Variants in GALNT13 observed in about 807,000 individuals in gnomAD.
The protein encoded by GALNT13 is UDP-GalNAc:polypeptide N-acetylgalactosaminyltransferase 13.
A neutral mutation model predicts 64.2 loss-of-function variants in GALNT13; 28 were observed. That is an observed-to-expected ratio of 0.44 (90% CI 0.32 to 0.60). The LOEUF is 0.60. Among genes scored for constraint, GALNT13 ranks in the 20% least tolerant of loss-of-function variants. The probability of loss-of-function intolerance (pLI) is 0.05; values close to 1 mark genes in which losing one functional copy is unlikely to be tolerated. For missense variants in GALNT13, 577 were observed against 669.8 expected, an observed-to-expected ratio of 0.86 and a Z score of 1.53; for synonymous variants, 214 against 224.6, an observed-to-expected ratio of 0.95 and a Z score of 0.42.
the GALNT13 span, among the ~76,000 whole-genome samples, chr2:153,216,391 C>T: frequency 2.0e-5 from 3 of 151,968 alleles, no homozygotes; most frequent in South Asian, 6.2e-4. Flanking sequence ...AAACAGTCTC[C>T]CAAAGTGGCT....
At chr2:153,551,648 A>C in the GALNT13 span, among the ~76,000 whole-genome samples, 1 of 152,268 alleles carries the variant, frequency 6.6e-6, no homozygotes. Context: ...AATAACTTTA[A>C]ATTTTGTGGG....
chr2:153,244,927 T>C, the GALNT13 span, among the ~76,000 whole-genome samples: 1 of 152,168 alleles, frequency 6.6e-6, no homozygotes, highest in African/African-American at 2.4e-5. Flanking sequence ...CCTGGGATGA[T>C]TGAGCTTGGT....
At chr2:154,200,065 G>A (rs1408744316) in intron 4 of GALNT13, among the ~76,000 whole-genome samples, 3 of 151,856 alleles carry the variant, frequency 2.0e-5, no homozygotes, top group Non-Finnish European at 2.9e-5. Context: ...TTTTTGTGAG[G>A]GATGGGGGGA....
At chr2:154,327,248 A>G (rs1229843973) in intron 9 of GALNT13, among the ~76,000 whole-genome samples, 1 of 151,980 alleles carries the variant, frequency 6.6e-6, no homozygotes, top group East Asian at 1.9e-4. Context: ...GCCTTCCACC[A>G]TGGTTGAAAG....
At chr2:153,963,877 G>A (rs375181177) in intron 3 of GALNT13, among the ~76,000 whole-genome samples, 1 of 151,634 alleles carries the variant, frequency 6.6e-6, no homozygotes, top group Middle Eastern at 3.4e-3. Context: ...TTCTAAATGA[G>A]GTCTATGAAA....
intron 4 of GALNT13, among the ~76,000 whole-genome samples, chr2:154,228,102 T>C (rs556713160): frequency 1.3e-5 from 2 of 152,256 alleles, no homozygotes; most frequent in African/African-American, 4.8e-5. Context: ...TAGATGATTC[T>C]TATGATTCAG....
chr2:153,714,580 GTTAAGC>G, the GALNT13 span, among the ~76,000 whole-genome samples: 5 of 152,106 alleles, frequency 3.3e-5, no homozygotes, highest in African/African-American at 1.2e-4. Context: ...CACTGGAACT[GTTAAGC>G]TTAAACAATT....
intron 11 of GALNT13, 29 bp downstream of exon 11, chr2:154,409,111 G>A (rs1405936): frequency 0.63 from 833,440 of 1,325,086 alleles, 263,927 homozygotes; most frequent in East Asian, 0.71. Context: ...TCAGCTTCAT[G>A]TTTTAGAGGG....
the GALNT13 span, among the ~76,000 whole-genome samples, chr2:153,654,703 A>G: frequency 2.0e-5 from 3 of 152,140 alleles, no homozygotes; most frequent in Non-Finnish European, 4.4e-5. Flanking sequence ...TAGTATTCAC[A>G]TGGTATTCAT....
chr2:154,387,656 A>G (rs1480007106), intron 9 of GALNT13, among the ~76,000 whole-genome samples: 1 of 152,142 alleles, frequency 6.6e-6, no homozygotes, highest in African/African-American at 2.4e-5. Context: ...GAATCTACAC[A>G]TAAGTGAGGT....
the GALNT13 span, among the ~76,000 whole-genome samples, chr2:153,624,669 C>T: frequency 7.2e-5 from 11 of 151,936 alleles, no homozygotes; most frequent in Non-Finnish European, 8.8e-5. Context: ...CTGAGCTATG[C>T]GGGTTATTAC....
intron 3 of GALNT13, among the ~76,000 whole-genome samples, chr2:154,087,053 G>A (rs1574476382): frequency 6.6e-6 from 1 of 152,186 alleles, no homozygotes; most frequent in Non-Finnish European, 1.5e-5. Context: ...GCTATCTTCT[G>A]AAAGGAGGTG....
At chr2:154,256,593 T>A (rs981193094) in intron 7 of GALNT13, among the ~76,000 whole-genome samples, 1 of 152,130 alleles carries the variant, frequency 6.6e-6, no homozygotes, top group Non-Finnish European at 1.5e-5. Flanking sequence ...GGAGCCCAAA[T>A]TAAATGAAGG....
chr2:153,701,030 T>G, the GALNT13 span, among the ~76,000 whole-genome samples: 1 of 152,106 alleles, frequency 6.6e-6, no homozygotes, highest in Non-Finnish European at 1.5e-5. Flanking sequence ...AAAGCCCATA[T>G]AGGGAAGACA....
intron 1 of GALNT13, among the ~76,000 whole-genome samples, chr2:153,876,077 C>T (rs986121266): frequency 6.6e-6 from 1 of 151,852 alleles, no homozygotes; most frequent in Non-Finnish European, 1.5e-5. Context: ...GGTTCTAAAT[C>T]CTTCCCTCTG....
intron 4 of GALNT13, among the ~76,000 whole-genome samples, chr2:154,185,075 T>C (rs1686177989): frequency 6.6e-6 from 1 of 152,144 alleles, no homozygotes; most frequent in Non-Finnish European, 1.5e-5. Context: ...ATTTTGTTTG[T>C]TGAAGAAAAT....
chr2:154,275,113 C>A (rs1250475711), intron 8 of GALNT13, among the ~76,000 whole-genome samples: 1 of 151,986 alleles, frequency 6.6e-6, no homozygotes, highest in African/African-American at 2.4e-5. Context: ...AGCCGCAGAC[C>A]ATTTAAGAAG....
At chr2:153,900,404 G>A (rs926759689) in intron 1 of GALNT13, among the ~76,000 whole-genome samples, 4 of 152,076 alleles carry the variant, frequency 2.6e-5, no homozygotes, top group Admixed American at 1.3e-4. Context: ...TATGCAGGTC[G>A]TGTGCCTGCA....
chr2:153,385,845 A>G, the GALNT13 span, among the ~76,000 whole-genome samples: 1 of 136,980 alleles, frequency 7.3e-6, no homozygotes, highest in African/African-American at 2.8e-5. Context: ...ACTACTATGT[A>G]CCACTAAAAA....
Sources: allele counts gnomAD v4.1 joint callset (sites outside exome capture counted in the v4.1 genomes callset), GRCh38; gene constraint gnomAD v4.1.1; transcripts MANE v1.5; gene names NCBI Gene and HGNC (gene_info 2026-07-23, HGNC 2026-07-21).